Variants in INPP5A observed in about 807,000 individuals in gnomAD.
The protein encoded by INPP5A is inositol polyphosphate-5-phosphatase A, also known as 43 kDa inositol polyphosphate 5-phophatase.
In INPP5A, 14 loss-of-function variants were observed where a neutral mutation model predicts 65.2. That is an observed-to-expected ratio of 0.21 (90% confidence interval 0.14 to 0.34). The LOEUF is 0.34. Among genes scored for constraint, INPP5A ranks in the 10% least tolerant of loss-of-function variants. The pLI, the probability that INPP5A is intolerant of heterozygous loss-of-function variation, is 1.00. For synonymous variants in INPP5A, 207 were observed against 208.3 expected, an observed-to-expected ratio of 0.99 and a Z score of 0.05; for missense variants, 431 against 545.6, an observed-to-expected ratio of 0.79 and a Z score of 2.09.
At chr10:132,612,840 T>G (rs901644485) in intron 2 of INPP5A, among the ~76,000 whole-genome samples, 1 of 151,862 alleles carries the variant, frequency 6.6e-6, no homozygotes, top group African/African-American at 2.4e-5. Context: ...GGCAGTGGGG[T>G]GGGGGTTGGA....
chr10:132,671,395 TCTGGAC>T (rs2072890028), intron 4 of INPP5A, among the ~76,000 whole-genome samples: 9 of 148,746 alleles, frequency 6.1e-5, no homozygotes, highest in East Asian at 2.0e-4. Context: ...CCCTCCCTGC[TCTGGAC>T]TCCGCCCTCC....
intron 7 of INPP5A, 46 bp downstream of exon 7, chr10:132,708,411 C>T (rs765917658): frequency 1.9e-6 from 3 of 1,564,054 alleles, no homozygotes; most frequent in Non-Finnish European, 2.6e-6. Context: ...GTTTCTTACC[C>T]TTTTATATCT....
intron 1 of INPP5A, among the ~76,000 whole-genome samples, chr10:132,552,773 G>T (rs1176388753): frequency 1.1e-3 from 90 of 85,100 alleles, no homozygotes; most frequent in Admixed American, 2.5e-3. Context: ...AGAGCCTTGG[G>T]GGAATATTGG....
Position 132,781,843 on chromosome 10 carries a change from C to T in INPP5A, c.1159-18C>T, listed in dbSNP as rs1298260578. 1.2e-6 allele frequency: 2 copies of T among 1,610,562 alleles called. No individual in the cohort carries two copies. Among genetic ancestry groups the T allele is most frequent in the Non-Finnish European group, 8.5e-7 (1 of 1,177,352 alleles). On this transcript the variant is annotated intron_variant, in intron 14 of 15. Transcript: ENST00000368594. The stretch of plus-strand genomic sequence containing the variant: ...CCCGCGTGCGCCGTGCTGACACCGT[C>T]CTCTCTTCCTGCTGCAGCCCGTGTT...
intron 9 of INPP5A, among the ~76,000 whole-genome samples, chr10:132,744,404 G>A (rs1846330518): frequency 6.6e-6 from 1 of 152,166 alleles, no homozygotes; most frequent in South Asian, 2.1e-4. Flanking sequence ...GGAATTCCAG[G>A]ACCCCCGGGA....
Position 132,706,316 on chromosome 10 carries a change from C to T in INPP5A, c.475-1997C>T, listed in dbSNP as rs1254072144. On this transcript the variant is annotated intron_variant, in intron 6 of 15. Coordinates refer to ENST00000368594, the MANE Select transcript of INPP5A (RefSeq NM_005539.5). This position sits in a 1 kb window ranked among gnomAD's most constrained non-coding sequence, Gnocchi z 4.7. ...ACTCAAAATAAATTCCAGAAAGAAG[C>T]AGTGGAGCAGTGTTGGAAGTGATAA... Among the ~76,000 whole-genome samples, 1 of 152,152 alleles carries T rather than the reference C, an allele frequency of 6.6e-6. No individual in the cohort carries two copies. The highest frequency in any genetic ancestry group is 2.4e-5 in the African/African-American group (1 of 41,420).
intron 2 of INPP5A, among the ~76,000 whole-genome samples, chr10:132,615,801 A>C (rs1388427223): frequency 6.6e-6 from 1 of 151,962 alleles, no homozygotes; most frequent in East Asian, 1.9e-4. Context: ...GAGTGTAGGC[A>C]CTGGGTTGGT....
At chr10:132,600,855 A>C (rs948847936) in intron 1 of INPP5A, among the ~76,000 whole-genome samples, 1 of 152,236 alleles carries the variant, frequency 6.6e-6, no homozygotes, top group Non-Finnish European at 1.5e-5. Flanking sequence ...CTTATTCACT[A>C]TCACGAGAAT....
chr10:132,679,743 A>C (rs2073018091), intron 4 of INPP5A, among the ~76,000 whole-genome samples: 1 of 152,238 alleles, frequency 6.6e-6, no homozygotes, highest in African/African-American at 2.4e-5. Context: ...AAGAAACTTA[A>C]ATTGCCAATA....
chr10:132,740,089 T>G (rs1458915430), intron 9 of INPP5A, among the ~76,000 whole-genome samples: 1 of 152,176 alleles, frequency 6.6e-6, no homozygotes, highest in Non-Finnish European at 1.5e-5. Flanking sequence ...CGGCAATGTC[T>G]AAGATCTGCA....
intron 2 of INPP5A, among the ~76,000 whole-genome samples, chr10:132,629,028 G>A (rs1485614236): frequency 2.0e-5 from 3 of 152,188 alleles, no homozygotes; most frequent in Non-Finnish European, 2.9e-5. Context: ...AGCCGTGGCC[G>A]CACAGATGGC....
At chr10:132,736,895 G>T (rs1846186418) in intron 9 of INPP5A, among the ~76,000 whole-genome samples, 1 of 152,236 alleles carries the variant, frequency 6.6e-6, no homozygotes, top group Admixed American at 6.5e-5. Context: ...ACCTCATCTG[G>T]TTACCGGCTG....
intron 6 of INPP5A, among the ~76,000 whole-genome samples, chr10:132,702,283 A>T (rs1020674494): frequency 1.3e-5 from 2 of 152,240 alleles, no homozygotes; most frequent in African/African-American, 4.8e-5. Context: ...GTTATTACCA[A>T]TTTATATTAT....
intron 9 of INPP5A, among the ~76,000 whole-genome samples, chr10:132,732,168 C>T (rs958722019): frequency 6.6e-6 from 1 of 152,246 alleles, no homozygotes; most frequent in Admixed American, 6.5e-5. Context: ...GCTTATAATG[C>T]CCTCATGCTG....
chr10:132,586,011 C>G (rs1348708387), intron 1 of INPP5A, among the ~76,000 whole-genome samples: 2 of 152,218 alleles, frequency 1.3e-5, no homozygotes, highest in East Asian at 3.9e-4. Context: ...CCCTGGACCT[C>G]GCCGCTTGTC....
intron 2 of INPP5A, among the ~76,000 whole-genome samples, chr10:132,614,573 C>T (rs1445189282): frequency 6.6e-6 from 1 of 152,232 alleles, no homozygotes; most frequent in Non-Finnish European, 1.5e-5. Context: ...TCCTGAGAAT[C>T]AGACTCACAG....
intron 2 of INPP5A, among the ~76,000 whole-genome samples, chr10:132,642,768 C>T (rs1454683160): frequency 6.6e-6 from 1 of 152,230 alleles, no homozygotes. Context: ...ATACGTAAGA[C>T]TTCTGACCCA....
chr10:132,646,777 C>T (rs538342622), intron 3 of INPP5A, among the ~76,000 whole-genome samples: 5 of 151,758 alleles, frequency 3.3e-5, no homozygotes, highest in African/African-American at 4.8e-5. Context: ...GGGCCGACGC[C>T]GCTGCCACGC....
rs574017005 is a variant in INPP5A at position 132,570,924 on chromosome 10, C to T, written c.75+32753C>T. Among the ~76,000 whole-genome samples, 22 of 152,346 alleles carry T rather than the reference C, an allele frequency of 1.4e-4. No homozygotes were observed. In the East Asian group the frequency reaches 3.5e-3, roughly 24 times the overall value. On this transcript the variant is annotated intron_variant, in intron 1 of 15. Coordinates refer to ENST00000368594, the MANE Select transcript of INPP5A (RefSeq NM_005539.5). Reference sequence around the variant, plus strand: ...AGGTCGCCTCTCATCGGCACAGCGGCGCATCACACGGCAGCAGCCTGCCTG... The same window carrying T: ...AGGTCGCCTCTCATCGGCACAGCGGTGCATCACACGGCAGCAGCCTGCCTG...
Sources: gnomAD v4.1 joint callset for allele counts (sites outside exome capture counted in the v4.1 genomes callset) on GRCh38, gnomAD v4.1.1 for gene constraint, Gnocchi (gnomAD v3.1) non-coding constraint, MANE v1.5 for transcripts, NCBI Gene and HGNC (gene_info 2026-07-23, HGNC 2026-07-21) for gene names.